CELF5: variants seen among roughly 807,000 people sequenced by gnomAD.
CELF5 encodes CUGBP Elav-like family member 5, also known as CUG-BP and ETR-3 like factor 5.
A neutral mutation model predicts 54.9 loss-of-function variants in CELF5; 6 were observed. The ratio of observed to expected loss-of-function variants is 0.11; its 90% CI spans 0.06 to 0.22. CELF5 has a LOEUF of 0.22. CELF5 is among the 10% of genes least tolerant of loss of function. The pLI is 1.00. For synonymous variants in CELF5, 271 were observed against 290.9 expected (o/e 0.93, Z 0.70); for missense variants, 401 against 678.6 (o/e 0.59, Z 4.54).
intron 1 of CELF5, among the ~76,000 whole-genome samples, chr19:3,245,856 A>G (rs1024909742): frequency 1.3e-5 from 2 of 152,228 alleles, no homozygotes; most frequent in East Asian, 3.8e-4. Flanking sequence ...TGGAAGGTGC[A>G]TTAAAATCTC....
chr19:3,250,889 TTG>T, intron 1 of CELF5, 94 bp from the exon 2 acceptor site: 1 of 543,602 alleles, frequency 1.8e-6, no homozygotes, highest in Non-Finnish European at 3.1e-6. Context: ...GGATGGAAGC[TTG>T]GGTTGCTTCC....
intron 1 of CELF5, among the ~76,000 whole-genome samples, chr19:3,232,215 A>G (rs1917302077): frequency 6.6e-6 from 1 of 152,186 alleles, no homozygotes; most frequent in Non-Finnish European, 1.5e-5. Context: ...AAAGAGAAGT[A>G]ATACAGGTAG....
intron 10 of CELF5, among the ~76,000 whole-genome samples, chr19:3,289,329 G>A (rs1196411531): frequency 6.6e-6 from 1 of 152,098 alleles, no homozygotes; most frequent in Non-Finnish European, 1.5e-5. Context: ...TCTGAGGAAG[G>A]AGGATCGGTT....
chr19:3,274,637 A>G (rs1210868186), intron 3 of CELF5, among the ~76,000 whole-genome samples: 1 of 152,192 alleles, frequency 6.6e-6, no homozygotes, highest in East Asian at 1.9e-4. Flanking sequence ...GGGCATACTC[A>G]GCTGTTCCCA....
chr19:3,288,125 G>A (rs1013025418), intron 10 of CELF5, among the ~76,000 whole-genome samples: 9 of 152,174 alleles, frequency 5.9e-5, no homozygotes, highest in African/African-American at 1.4e-4. Flanking sequence ...GTTTTTCAGC[G>A]GTCGCCCACA....
intron 4 of CELF5, among the ~76,000 whole-genome samples, chr19:3,276,478 G>C (rs1180563073): frequency 2.6e-5 from 4 of 151,190 alleles, no homozygotes; most frequent in African/African-American, 9.7e-5. Context: ...CTGGCTCCAG[G>C]GGGAGAGGCC....
chr19:3,248,122 T>A (rs2079592750), intron 1 of CELF5, among the ~76,000 whole-genome samples: 1 of 152,286 alleles, frequency 6.6e-6, no homozygotes. Context: ...CATATTGTTC[T>A]GCAATCATCA....
intron 10 of CELF5, among the ~76,000 whole-genome samples, chr19:3,288,533 A>C (rs2080290571): frequency 6.8e-6 from 1 of 146,994 alleles, no homozygotes; most frequent in Admixed American, 6.8e-5. Flanking sequence ...AAAACAAACA[A>C]ACAAACAAAC....
In CELF5 at chr19:3,281,407, T is replaced by C; in HGVS notation, c.750+62T>C. On this transcript the variant is annotated intron_variant, in intron 6 of 12. Transcript: ENST00000292672. This position sits in a 1 kb window ranked among gnomAD's most constrained non-coding sequence, Gnocchi z 6.5. ...CGTCTCTCTCAGTCTCTGTCTACTCTCTGTCGGGCTCCTGCCTCTCCCTCC... is the reference window on the plus strand; with the variant it reads ...CGTCTCTCTCAGTCTCTGTCTACTCCCTGTCGGGCTCCTGCCTCTCCCTCC... 3 of 1,532,718 alleles carry C rather than the reference T, an allele frequency of 2.0e-6. No individual in the cohort carries two copies. The highest frequency in any genetic ancestry group is 2.6e-6 in the Non-Finnish European group (3 of 1,132,810). 94.9% of individuals were successfully genotyped at this position (1,532,718 alleles called of 1,614,324 possible). A position where few individuals can be genotyped will look rare whatever the true frequency, so the allele number is the denominator to read the frequency against.
intron 2 of CELF5, among the ~76,000 whole-genome samples, chr19:3,260,678 A>T: frequency 6.9e-6 from 1 of 145,058 alleles, no homozygotes; most frequent in African/African-American, 2.6e-5. Context: ...GCTGGAGTGC[A>T]GTGGCGTGAT....
intron 2 of CELF5, among the ~76,000 whole-genome samples, chr19:3,253,459 C>T (rs541627393): frequency 6.6e-6 from 1 of 152,276 alleles, no homozygotes; most frequent in South Asian, 2.1e-4. Context: ...ACCACGTGGG[C>T]TTCTCCACAG....
chr19:3,247,656 A>G (rs2079586257), intron 1 of CELF5, among the ~76,000 whole-genome samples: 2 of 151,684 alleles, frequency 1.3e-5, no homozygotes, highest in East Asian at 2.0e-4. Context: ...CATTTGTTAC[A>G]TTGCACGCTT....
intron 5 of CELF5, among the ~76,000 whole-genome samples, chr19:3,280,795 G>A (rs926988194): frequency 1.3e-5 from 2 of 152,044 alleles, no homozygotes; most frequent in South Asian, 2.1e-4. Flanking sequence ...TGGCAGGTTC[G>A]TCCACCTGAG....
At chr19:3,243,992 C>T (rs921628103) in intron 1 of CELF5, among the ~76,000 whole-genome samples, 3 of 151,932 alleles carry the variant, frequency 2.0e-5, no homozygotes, top group South Asian at 4.1e-4. Context: ...AAGTCACATT[C>T]GGAGGTCCTG....
chr19:3,247,998 C>T (rs758977721), intron 1 of CELF5, among the ~76,000 whole-genome samples: 3 of 152,022 alleles, frequency 2.0e-5, no homozygotes. Context: ...CTCCTGACCT[C>T]AGATGATCCA....
At chr19:3,226,305 G>A (rs1039001137) in intron 1 of CELF5, among the ~76,000 whole-genome samples, 49 of 151,872 alleles carry the variant, frequency 3.2e-4, no homozygotes, top group Non-Finnish European at 5.6e-4. Context: ...ATGAATGAAG[G>A]GGTTCAAGAA....
At chr19:3,272,510 C>T (rs2079983984) in intron 2 of CELF5, among the ~76,000 whole-genome samples, 1 of 152,180 alleles carries the variant, frequency 6.6e-6, no homozygotes, top group Admixed American at 6.6e-5. Context: ...GAATCTATTT[C>T]AAGTTTGTCT....
intron 9 of CELF5, among the ~76,000 whole-genome samples, chr19:3,285,649 A>C (rs1422195248): frequency 2.7e-3 from 26 of 9,610 alleles, no homozygotes; most frequent in South Asian, 8.9e-3. Context: ...CCCTCCCCTC[A>C]CGCCATGGGG....
intron 2 of CELF5, among the ~76,000 whole-genome samples, chr19:3,265,460 C>A (rs1377458920): frequency 6.6e-6 from 1 of 152,188 alleles, no homozygotes; most frequent in African/African-American, 2.4e-5. Context: ...GAGCCCCGAG[C>A]AGAAGTTCAG....
Sources: allele counts gnomAD v4.1 joint callset (sites outside exome capture counted in the v4.1 genomes callset), GRCh38; gene constraint gnomAD v4.1.1; non-coding constraint Gnocchi (gnomAD v3.1); transcripts MANE v1.5; gene names NCBI Gene and HGNC (gene_info 2026-07-23, HGNC 2026-07-21).